Variants in RGS3 observed in about 807,000 individuals in gnomAD.
RGS3 encodes the protein regulator of G protein signaling 3.
In RGS3, 80 loss-of-function variants were observed where a neutral mutation model predicts 132.6. The ratio of observed to expected loss-of-function variants is 0.60; its 90% confidence interval spans 0.50 to 0.73. The LOEUF (loss-of-function observed/expected upper bound fraction) is 0.73. Among genes scored for constraint, RGS3 ranks in the 30% least tolerant of loss-of-function variants. The pLI, the probability that RGS3 is intolerant of heterozygous loss-of-function variation, is 0.00. For synonymous variants in RGS3, 598 were observed against 620.6 expected (o/e 0.96, Z 0.54); for missense variants, 1,382 against 1,530.8 (o/e 0.90, Z 1.62).
In RGS3 at chr9:113,565,624, A is replaced by G. The variant is rs2118846313; in HGVS notation, c.2038-17826A>G. 1 of 275,582 alleles carries G rather than the reference A, an allele frequency of 3.6e-6. No homozygotes were observed. The highest frequency in any genetic ancestry group is 2.2e-5 in the African/African-American group (1 of 44,684). The allele number at this position is 275,582 out of a possible 1,614,324, so 17.1% of individuals were successfully genotyped here. ...CTTGACACGGCCGCCAGGAGCTGCC[A>G]CAGCCACGGCCGCCCGCCTGCGGGA... is the stretch of plus-strand genomic sequence containing the variant. On this transcript the variant is annotated intron_variant, in intron 19 of 24. Transcript: ENST00000350696. This position sits in a 1 kb window ranked among gnomAD's most constrained non-coding sequence, Gnocchi z 5.7.
intron 17 of RGS3, among the ~76,000 whole-genome samples, chr9:113,523,753 A>G (rs557374015): frequency 6.6e-6 from 1 of 152,306 alleles, no homozygotes; most frequent in East Asian, 1.9e-4. Flanking sequence ...CTCCCAGATC[A>G]TGAAAACAAC....
At chr9:113,555,323 C>T (rs1007539775) in intron 19 of RGS3, among the ~76,000 whole-genome samples, 1 of 152,192 alleles carries the variant, frequency 6.6e-6, no homozygotes, top group Non-Finnish European at 1.5e-5. Flanking sequence ...CATATTTCAA[C>T]ATCAGGAATG....
upstream of RGS3, among the ~76,000 whole-genome samples, chr9:113,455,868 G>T (rs907902200): frequency 6.6e-6 from 1 of 152,170 alleles, no homozygotes; most frequent in African/African-American, 2.4e-5. Context: ...TTTAGGACAT[G>T]AAAAAAACCT....
At chr9:113,521,772 GT>G (rs1564522321) in intron 16 of RGS3, among the ~76,000 whole-genome samples, 1 of 152,184 alleles carries the variant, frequency 6.6e-6, no homozygotes, top group African/African-American at 2.4e-5. Flanking sequence ...AAGTGAGGCT[GT>G]GGGGTCATCT....
intron 16 of RGS3, chr9:113,522,715 G>C (rs1372027977): frequency 1.8e-6 from 1 of 567,424 alleles, no homozygotes; most frequent in Non-Finnish European, 3.2e-6. Flanking sequence ...AGGAGTGGAA[G>C]TATAGGAAGC....
At chr9:113,484,611 C>G (rs976261697) in intron 6 of RGS3, among the ~76,000 whole-genome samples, 14 of 152,314 alleles carry the variant, frequency 9.2e-5, no homozygotes, top group East Asian at 3.9e-4. Context: ...TCCCTGCCCC[C>G]CTTTTTACTT....
intron 3 of RGS3, among the ~76,000 whole-genome samples, chr9:113,467,607 T>C (rs1415690922): frequency 6.6e-6 from 1 of 152,246 alleles, no homozygotes; most frequent in East Asian, 1.9e-4. Context: ...GTAAGATTTC[T>C]TTATATATTC....
chr9:113,467,631 C>CT (rs1239821377), intron 3 of RGS3, among the ~76,000 whole-genome samples: 1 of 152,114 alleles, frequency 6.6e-6, no homozygotes, highest in Non-Finnish European at 1.5e-5. Context: ...ATGCAAGCTC[C>CT]TTAACCGATA....
At chr9:113,522,757 T>G (rs1480217482) in intron 16 of RGS3, 173 bp from the exon 15 acceptor site, 2 of 629,396 alleles carry the variant, frequency 3.2e-6, no homozygotes, top group African/African-American at 3.6e-5. Context: ...TGACTGCAGG[T>G]CAGGACTGCC....
intron 19 of RGS3, among the ~76,000 whole-genome samples, chr9:113,553,459 A>AAAAAAAAAAATAT (rs1426114805): frequency 2.6e-4 from 15 of 58,692 alleles, no homozygotes; most frequent in Non-Finnish European, 3.0e-4. Context: ...AAAAAAAAAA[A>AAAAAAAAAAATAT]ATATATATAT....
At chr9:113,564,800 T>C (rs1833922309) in intron 19 of RGS3, among the ~76,000 whole-genome samples, 1 of 152,190 alleles carries the variant, frequency 6.6e-6, no homozygotes, top group Non-Finnish European at 1.5e-5. Context: ...GGACTGAAGC[T>C]GCCACCCCCC....
chr9:113,573,585 G>A (rs976155398), intron 19 of RGS3, among the ~76,000 whole-genome samples: 2 of 152,222 alleles, frequency 1.3e-5, no homozygotes, highest in African/African-American at 4.8e-5. Context: ...TCCTGGCATG[G>A]CAGAGCTTCT....
intron 19 of RGS3, among the ~76,000 whole-genome samples, chr9:113,563,808 G>T (rs574020590): frequency 1.3e-5 from 2 of 152,308 alleles, no homozygotes; most frequent in East Asian, 3.9e-4. Flanking sequence ...AGAGAGTCAG[G>T]AATACAGAGT....
chr9:113,529,052 C>T (rs78726151), intron 17 of RGS3, among the ~76,000 whole-genome samples, 169 bp from the exon 16 acceptor site: 1,640 of 152,326 alleles, frequency 0.011, 29 homozygotes, highest in African/African-American at 0.038. Flanking sequence ...TGGTTAGTTA[C>T]GTAGCCAATT....
At chr9:113,556,956 C>T (rs1259301894) in intron 19 of RGS3, among the ~76,000 whole-genome samples, 1 of 152,230 alleles carries the variant, frequency 6.6e-6, no homozygotes, top group African/African-American at 2.4e-5. Flanking sequence ...TCCATGTAGT[C>T]ACCTCTGTCA....
chr9:113,475,786 G>A (rs918085254), intron 3 of RGS3, among the ~76,000 whole-genome samples: 1 of 152,026 alleles, frequency 6.6e-6, no homozygotes, highest in Non-Finnish European at 1.5e-5. Context: ...GGTTGGGTGG[G>A]GGGGGTGTTC....
At chr9:113,476,550 AG>A (rs1564462270) in intron 3 of RGS3, among the ~76,000 whole-genome samples, 1 of 152,178 alleles carries the variant, frequency 6.6e-6, no homozygotes, top group African/African-American at 2.4e-5. Context: ...AACAGGGTAC[AG>A]GGCACCCTGG....
At chr9:113,493,673 TTGAC>T (rs1232201697) in intron 7 of RGS3, among the ~76,000 whole-genome samples, 3 of 152,152 alleles carry the variant, frequency 2.0e-5, no homozygotes, top group Admixed American at 6.6e-5. Flanking sequence ...TCACTGGTCT[TTGAC>T]TGGGGCAGGC....
rs561657166 is a variant in RGS3 at position 113,579,829 on chromosome 9, C to T, written c.2038-3621C>T. Among the ~76,000 whole-genome samples, 8 of 152,312 alleles carry T rather than the reference C, an allele frequency of 5.3e-5. No homozygotes were observed. In the East Asian group the frequency reaches 1.5e-3, roughly 29 times the overall value. On this transcript the variant is annotated intron_variant, in intron 19 of 24. Transcript: ENST00000350696. The surrounding 1 kb of genome is among the most constrained non-coding windows in gnomAD (Gnocchi z 4.3). ...TGAATGTATGCGTGCCCCAGTCCTCCCTGCCATCCACACATCCTGCCCACA... is the reference window on the plus strand; with the variant it reads ...TGAATGTATGCGTGCCCCAGTCCTCTCTGCCATCCACACATCCTGCCCACA...
Sources: allele counts gnomAD v4.1 joint callset (sites outside exome capture counted in the v4.1 genomes callset), GRCh38; gene constraint gnomAD v4.1.1; non-coding constraint Gnocchi (gnomAD v3.1); transcripts MANE v1.5; gene names NCBI Gene and HGNC (gene_info 2026-07-23, HGNC 2026-07-21).